The following CRMP1 variants were observed in gnomAD, a reference collection of about 807,000 sequenced individuals.
CRMP1 encodes collapsin response mediator protein 1.
CRMP1 carries 19 observed loss-of-function variants against 68.3 expected under a neutral mutation model. That is an observed-to-expected ratio of 0.28 (90% CI 0.19 to 0.41). The LOEUF (loss-of-function observed/expected upper bound fraction) is 0.41. Ranked by LOEUF, CRMP1 falls within the 10% of genes least tolerant of loss-of-function variation. The probability of loss-of-function intolerance (pLI) is 1.00; values close to 1 mark genes in which losing one functional copy is unlikely to be tolerated. For missense variants in CRMP1, 791 were observed against 967.4 expected (o/e 0.82, Z 2.42); for synonymous variants, 439 against 399.6 (o/e 1.10, Z -1.18).
Position 5,855,974 on chromosome 4 carries a change from T to C in CRMP1, c.820+169A>G, listed in dbSNP as rs1489344607. 1.3e-5 allele frequency among the ~76,000 whole-genome samples: 2 copies of C among 152,172 alleles called. No individual in the cohort carries two copies. The highest frequency in any genetic ancestry group is 2.9e-5 in the Non-Finnish European group (2 of 68,018). On this transcript the variant is annotated intron_variant, in intron 4 of 13. Transcript: ENST00000324989. This position sits in a 1 kb window ranked among gnomAD's most constrained non-coding sequence, Gnocchi z 4.9. ...CCAGAGGTTTTCAAGGAGAAAAGGA[T>C]GGACTCTGTAAAGGGACTGGCCTGT...
In CRMP1 at chr4:5,874,462, C is replaced by G. The variant is rs1577834553; in HGVS notation, c.382-7706G>C. On this transcript the variant is annotated intron_variant, in intron 1 of 13. Transcript: ENST00000324989. ...GCACAGCTGTCTCCCAATGCACAAC[C>G]TTCCCCCAATGGTCACAGTTCATGT... Among the ~76,000 whole-genome samples the G allele has an allele frequency of 5.3e-5, 8 of 152,312 alleles. 3 individuals carry two copies. The highest frequency in any genetic ancestry group is 5.2e-4 in the Admixed American group (8 of 15,294).
At chr4:5,824,030 AAG>A (rs1401153076) in intron 13 of CRMP1, among the ~76,000 whole-genome samples, 1 of 152,246 alleles carries the variant, frequency 6.6e-6, no homozygotes. Context: ...CAGGAGGACT[AAG>A]AGTGAAACTG....
At chr4:5,835,198 GCA>G (rs766820218) in intron 11 of CRMP1, among the ~76,000 whole-genome samples, 4 of 152,262 alleles carry the variant, frequency 2.6e-5, no homozygotes, top group Non-Finnish European at 5.9e-5. Flanking sequence ...CTGTGTGCTT[GCA>G]CAGACTCCAG....
At position 5,841,233 on chromosome 4, in the gene CRMP1, G is replaced by C. The variant is rs921997968; in HGVS notation, c.1153+75C>G. The C allele has an allele frequency of 1.9e-6, 3 of 1,610,740 alleles. No homozygotes were observed. Among genetic ancestry groups the C allele is most frequent in the Admixed American group, 1.7e-5 (1 of 59,980 alleles). ...CGGCTGCCTGTCTGAGTTCGGGAGG[G>C]AGTGAACTTGAACCTGCAGGACACC... On this transcript the variant is annotated intron_variant, in intron 8 of 13. Coordinates refer to ENST00000324989, the MANE Select transcript of CRMP1 (RefSeq NM_001014809.3). The surrounding 1 kb of genome is among the most constrained non-coding windows in gnomAD (Gnocchi z 6.9).
chr4:5,827,729 G>A (rs987873758), intron 12 of CRMP1, among the ~76,000 whole-genome samples: 9 of 117,708 alleles, frequency 7.6e-5, no homozygotes, highest in South Asian at 2.5e-4. Context: ...ACACATGTGC[G>A]CGTGCACACA....
chr4:5,856,046 A>G, intron 4 of CRMP1, 97 bp downstream of exon 4: 1 of 1,434,848 alleles, frequency 7.0e-7, no homozygotes, highest in Non-Finnish European at 9.6e-7. Flanking sequence ...CAGGCTCAGA[A>G]CAGATGCAGA....
chr4:5,832,304 C>T (rs1720435452), intron 11 of CRMP1, among the ~76,000 whole-genome samples: 1 of 152,176 alleles, frequency 6.6e-6, no homozygotes, highest in Admixed American at 6.5e-5. Context: ...AAAATGGCAA[C>T]ACTTATGGTA....
Position 5,828,459 on chromosome 4 carries a change from G to C in CRMP1, c.1803+30C>G, listed in dbSNP as rs764192518. On this transcript the variant is annotated intron_variant, in intron 12 of 13. Coordinates refer to ENST00000324989, the MANE Select transcript of CRMP1 (RefSeq NM_001014809.3). ...GACGCTGTCGGCTCTGGTCCCACGG[G>C]TGGGCCCGCTCCCCTGCAGACACAC... 5.0e-6 allele frequency: 8 copies of C among 1,604,526 alleles called. No homozygotes were observed. In the Admixed American group the frequency reaches 1.3e-4, roughly 27 times the overall value.
At chr4:5,832,440 AG>A (rs1422232191) in intron 11 of CRMP1, among the ~76,000 whole-genome samples, 1 of 152,244 alleles carries the variant, frequency 6.6e-6, no homozygotes, top group Non-Finnish European at 1.5e-5. Context: ...AAAGAATAAA[AG>A]TTGTGTTTTA....
rs139370869 is a variant in CRMP1, at chr4:5,832,490, A to G, written c.1623+3425T>C. 7.2e-3 allele frequency among the ~76,000 whole-genome samples: 1,090 copies of G among 152,374 alleles called. 6 individuals carry two copies. Among genetic ancestry groups the G allele is most frequent in the South Asian group, 0.027 (130 of 4,828 alleles). ...TTAAAATCTAATCACTGGTCAATAT[A>G]TAAGGAATGATCTCTTTTCATTGTT... On this transcript the variant is annotated intron_variant, in intron 11 of 13. Coordinates refer to ENST00000324989, the MANE Select transcript of CRMP1 (RefSeq NM_001014809.3).
rs1301009840 is a variant in CRMP1, at chr4:5,891,790, C to A, written c.381+799G>T. ...CCCCCAGTTTCCTGGTGACCCCCAGCTCAAGAGAGAATACCCGCAGGGCCC... is the reference window on the plus strand; with the variant it reads ...CCCCCAGTTTCCTGGTGACCCCCAGATCAAGAGAGAATACCCGCAGGGCCC... On this transcript the variant is annotated intron_variant, in intron 1 of 13. Coordinates refer to ENST00000324989, the MANE Select transcript of CRMP1 (RefSeq NM_001014809.3). This position sits in a 1 kb window ranked among gnomAD's most constrained non-coding sequence, Gnocchi z 5.2. Among the ~76,000 whole-genome samples, 1 of 152,222 alleles carries A rather than the reference C, an allele frequency of 6.6e-6. No homozygotes were observed. Among genetic ancestry groups the A allele is most frequent in the Admixed American group, 6.5e-5 (1 of 15,286 alleles).
chr4:5,892,592 G>A lies in CRMP1; in HGVS notation c.378C>T (p.Gly126=). Residue 126 remains glycine (G), a synonymous_variant, in exon 1 of 14, where the codon GGC becomes GGT. Coordinates refer to ENST00000324989, the MANE Select transcript of CRMP1 (RefSeq NM_001014809.3). The surrounding 1 kb of genome is among the most constrained non-coding windows in gnomAD (Gnocchi z 8.6). The part of the protein sequence containing the change: ...PRDLPLGRDN[G]QSDRLLIKGG... ...CCCGCGCGCGCCCCGAGGGTACCTGGCCATTGTCCCGGCCGAGGGGCAGGT... is the reference window on the plus strand; with the variant it reads ...CCCGCGCGCGCCCCGAGGGTACCTGACCATTGTCCCGGCCGAGGGGCAGGT... 8.5e-7 allele frequency: 1 copy of A among 1,181,902 alleles called. No homozygotes were observed. Among genetic ancestry groups the A allele is most frequent in the Non-Finnish European group, 1.0e-6 (1 of 955,664 alleles). 73.2% of individuals were successfully genotyped at this position (1,181,902 alleles called of 1,614,324 possible). A position where few individuals can be genotyped will look rare whatever the true frequency, so the allele number is the denominator to read the frequency against.
In CRMP1 at chr4:5,841,534, T is replaced by C. The variant is rs549130866; in HGVS notation, c.1033-106A>G. ...GTGATCAGAAGGGAAATCTGCTCCA[T>C]TGAATGAGAAGGACATACTGAGTCC... On this transcript the variant is annotated intron_variant, in intron 7 of 13. Transcript: ENST00000324989. This position sits in a 1 kb window ranked among gnomAD's most constrained non-coding sequence, Gnocchi z 6.9. The C allele has an allele frequency of 3.2e-6, 5 of 1,547,852 alleles. No homozygotes were observed. The highest frequency in any genetic ancestry group is 3.5e-5 in the Admixed American group (2 of 57,264).
rs1715052685 is a variant in CRMP1 at position 5,879,117 on chromosome 4, T to C, written c.382-12361A>G. 6.6e-6 allele frequency among the ~76,000 whole-genome samples: 1 copy of C among 152,158 alleles called. No individual in the cohort carries two copies. Among genetic ancestry groups the C allele is most frequent in the Admixed American group, 6.5e-5 (1 of 15,286 alleles). ...TCCTTCACCAGCTTGTCCTCATCTG[T>C]AGGACAAAGCTCACCTCCTAGGCTC... On this transcript the variant is annotated intron_variant, in intron 1 of 13. Coordinates refer to ENST00000324989, the MANE Select transcript of CRMP1 (RefSeq NM_001014809.3). The surrounding 1 kb of genome is among the most constrained non-coding windows in gnomAD (Gnocchi z 4.2).
rs1231538688 is a variant in CRMP1, at chr4:5,853,556, T to C, written c.821-2087A>G. Among the ~76,000 whole-genome samples, 1 of 152,144 alleles carries C rather than the reference T, an allele frequency of 6.6e-6. No homozygotes were observed. Among genetic ancestry groups the C allele is most frequent in the Non-Finnish European group, 1.5e-5 (1 of 68,020 alleles). On this transcript the variant is annotated intron_variant, in intron 4 of 13. Coordinates refer to ENST00000324989, the MANE Select transcript of CRMP1 (RefSeq NM_001014809.3). The surrounding 1 kb of genome is among the most constrained non-coding windows in gnomAD (Gnocchi z 4.7). ...GGAGGCTCCTCACAAAACTAAGAAC[T>C]GAATTACCATATGCTTCAGCAGTCC... is the stretch of plus-strand genomic sequence containing the variant.
rs2152466934 is a variant in CRMP1, at chr4:5,858,410, C to T, written c.656-2103G>A. Among the ~76,000 whole-genome samples, 1 of 152,130 alleles carries T rather than the reference C, an allele frequency of 6.6e-6. No homozygotes were observed. The highest frequency in any genetic ancestry group is 1.9e-4 in the East Asian group (1 of 5,170). ...AAAACCTCATGCAATACTCTCCCCA[C>T]CCCGACCCCAGCTGTGGTGGACATC... is the stretch of plus-strand genomic sequence containing the variant. On this transcript the variant is annotated intron_variant, in intron 3 of 13. Coordinates refer to ENST00000324989, the MANE Select transcript of CRMP1 (RefSeq NM_001014809.3). This position sits in a 1 kb window ranked among gnomAD's most constrained non-coding sequence, Gnocchi z 5.5.
chr4:5,833,261 G>C (rs1315439228), intron 11 of CRMP1, among the ~76,000 whole-genome samples: 2 of 92,020 alleles, frequency 2.2e-5, no homozygotes, highest in Non-Finnish European at 4.7e-5. Context: ...CCGCCTCCCG[G>C]GTTCACGCCA....
rs1209653826 is a variant in CRMP1, at chr4:5,891,677, C to T, written c.381+912G>A. ...GGACCAATTCGAAAGCTCCCCAGCCCTCGGATGCTCCAACTTCCGTTTTTC... is the reference window on the plus strand; with the variant it reads ...GGACCAATTCGAAAGCTCCCCAGCCTTCGGATGCTCCAACTTCCGTTTTTC... On this transcript the variant is annotated intron_variant, in intron 1 of 13. Coordinates refer to ENST00000324989, the MANE Select transcript of CRMP1 (RefSeq NM_001014809.3). The surrounding 1 kb of genome is among the most constrained non-coding windows in gnomAD (Gnocchi z 5.2). 1.3e-5 allele frequency among the ~76,000 whole-genome samples: 2 copies of T among 152,168 alleles called. No individual in the cohort carries two copies. Among genetic ancestry groups the T allele is most frequent in the Non-Finnish European group, 2.9e-5 (2 of 68,022 alleles).
chr4:5,833,064 C>T lies in CRMP1; in HGVS notation c.1623+2851G>A, dbSNP rs372336621. 7.0e-4 allele frequency among the ~76,000 whole-genome samples: 106 copies of T among 152,096 alleles called. 1 individual carries two copies. The highest frequency in any genetic ancestry group is 6.8e-3 in the Middle Eastern group (2 of 292). On this transcript the variant is annotated intron_variant, in intron 11 of 13. Coordinates refer to ENST00000324989, the MANE Select transcript of CRMP1 (RefSeq NM_001014809.3). ...AGCAAGTACTGCTGGGGACGTCAGA[C>T]GCTAGAAGAGTGGCCTGGAAGGGGT... is the stretch of plus-strand genomic sequence containing the variant.
Sources: gnomAD v4.1 joint callset for allele counts (sites outside exome capture counted in the v4.1 genomes callset) on GRCh38, gnomAD v4.1.1 for gene constraint, Gnocchi (gnomAD v3.1) non-coding constraint, MANE v1.5 for transcripts, NCBI Gene and HGNC (gene_info 2026-07-23, HGNC 2026-07-21) for gene names.